The following PPP2R3A variants were observed in gnomAD, a reference collection of about 807,000 sequenced individuals.
PPP2R3A encodes protein phosphatase 2 regulatory subunit B''alpha.
A neutral mutation model predicts 106.9 loss-of-function variants in PPP2R3A; 80 were observed. The observed-to-expected ratio is 0.75, with a 90% CI of 0.62 to 0.90. The LOEUF is 0.90. Ranked by LOEUF, PPP2R3A falls within the 40% of genes least tolerant of loss-of-function variation. PPP2R3A has a pLI of 0.00. For synonymous variants in PPP2R3A, 483 were observed against 468.3 expected (o/e 1.03, Z -0.41); for missense variants, 1,386 against 1,350.4 (o/e 1.03, Z -0.41).
chr3:136,113,773 C>A (rs1222605753), intron 13 of PPP2R3A, among the ~76,000 whole-genome samples: 5 of 148,578 alleles, frequency 3.4e-5, no homozygotes, highest in Admixed American at 2.0e-4. Flanking sequence ...CCAGCCTGGG[C>A]AACAGAGCAA....
chr3:136,078,410 GA>G lies in PPP2R3A; in HGVS notation c.2593del (p.Ile865LeufsTer6), dbSNP rs763502837. ...IFYTVNRSWS[G>X]KITSTEIRKS... is the part of the protein sequence containing the mutation. ...TACACAGTCAACAGATCTTGGAGTG[GA>G]AAAATTACTTCGACAGAGATAAGAA... is the stretch of plus-strand genomic sequence containing the variant. On this transcript the variant is annotated frameshift_variant, in exon 7 of 14. Coordinates refer to ENST00000264977, the MANE Select transcript of PPP2R3A (RefSeq NM_002718.5). LOFTEE classifies it high-confidence loss of function. 3 of 1,611,032 alleles carry G rather than the reference GA, an allele frequency of 1.9e-6. No homozygotes were observed. The highest frequency in any genetic ancestry group is 1.1e-5 in the South Asian group (1 of 90,598).
chr3:136,088,697 A>G (rs556371052), intron 9 of PPP2R3A, among the ~76,000 whole-genome samples: 17 of 152,330 alleles, frequency 1.1e-4, no homozygotes, highest in South Asian at 2.1e-4. Flanking sequence ...GGACCCATTT[A>G]CATTCCCACT....
intron 2 of PPP2R3A, among the ~76,000 whole-genome samples, chr3:136,005,706 A>G (rs187737789): frequency 3.3e-5 from 5 of 152,304 alleles, no homozygotes; most frequent in Admixed American, 3.3e-4. Flanking sequence ...AAGGAAAGAA[A>G]ATACCTACAT....
intron 2 of PPP2R3A, among the ~76,000 whole-genome samples, chr3:136,014,232 A>G (rs185004414): frequency 1.3e-5 from 2 of 152,146 alleles, no homozygotes; most frequent in Admixed American, 1.3e-4. Context: ...GATATAGTAT[A>G]GTTTGAAGTC....
intron 13 of PPP2R3A, among the ~76,000 whole-genome samples, chr3:136,125,541 A>C (rs1039700136): frequency 9.2e-5 from 14 of 152,094 alleles, no homozygotes; most frequent in African/African-American, 3.4e-4. Flanking sequence ...ATCACAAAGA[A>C]TTAAAACTAC....
At chr3:136,133,362 A>G (rs184004963) in intron 13 of PPP2R3A, among the ~76,000 whole-genome samples, 1 of 152,270 alleles carries the variant, frequency 6.6e-6, no homozygotes, top group Admixed American at 6.5e-5. Context: ...AGGAGGTACA[A>G]ACAGTAAATA....
chr3:136,006,426 G>A (rs1210029546), intron 2 of PPP2R3A, among the ~76,000 whole-genome samples: 2 of 152,116 alleles, frequency 1.3e-5, no homozygotes, highest in South Asian at 2.1e-4. Flanking sequence ...TGAGGAATTG[G>A]CAAACATTTC....
intron 8 of PPP2R3A, among the ~76,000 whole-genome samples, chr3:136,085,217 G>C (rs112331996): frequency 6.6e-6 from 1 of 152,030 alleles, no homozygotes; most frequent in African/African-American, 2.4e-5. Flanking sequence ...TCATGGGGGC[G>C]GGTCTTTCCT....
At chr3:136,060,486 G>A (rs755536745) in intron 5 of PPP2R3A, among the ~76,000 whole-genome samples, 2 of 152,164 alleles carry the variant, frequency 1.3e-5, no homozygotes, top group South Asian at 2.1e-4. Context: ...CATCCTCCTA[G>A]TGCTGTCTCA....
At chr3:136,004,774 G>A (rs1010372544) in intron 2 of PPP2R3A, among the ~76,000 whole-genome samples, 1 of 152,122 alleles carries the variant, frequency 6.6e-6, no homozygotes, top group Non-Finnish European at 1.5e-5. Flanking sequence ...CGTACAGGGG[G>A]CCTGAATAGT....
At chr3:136,032,031 TTC>T (rs1238746366) in intron 3 of PPP2R3A, among the ~76,000 whole-genome samples, 1 of 152,348 alleles carries the variant, frequency 6.6e-6, no homozygotes, top group South Asian at 2.1e-4. Context: ...TTTTTTCTAA[TTC>T]TGTGAAAAAT....
At chr3:135,986,634 T>G (rs1932930572) in intron 1 of PPP2R3A, among the ~76,000 whole-genome samples, 1 of 152,108 alleles carries the variant, frequency 6.6e-6, no homozygotes, top group Admixed American at 6.6e-5. Context: ...TGCTTCCTAT[T>G]TCACCAAGAA....
In PPP2R3A at chr3:136,147,761, A is replaced by G. The variant is rs572185953; in HGVS notation, c.*2595A>G. On this transcript the variant is annotated 3_prime_UTR_variant, in exon 14 of 14. Coordinates refer to ENST00000264977, the MANE Select transcript of PPP2R3A (RefSeq NM_002718.5). ...TGCATCTTGTCACTGTGTACCATTC[A>G]AAGTGTTTATAAAACTCTAGATTCA... 1 of 152,372 alleles carries G rather than the reference A, an allele frequency of 6.6e-6. No individual in the cohort carries two copies. Among genetic ancestry groups the G allele is most frequent in the African/African-American group, 2.4e-5 (1 of 41,592 alleles). 9.4% of individuals were successfully genotyped at this position (152,372 alleles called of 1,614,324 possible).
At chr3:136,008,594 T>G (rs1933929743) in intron 2 of PPP2R3A, among the ~76,000 whole-genome samples, 1 of 152,166 alleles carries the variant, frequency 6.6e-6, no homozygotes, top group African/African-American at 2.4e-5. Flanking sequence ...TGTAGAAGGG[T>G]CAAGATAAAG....
chr3:136,065,238 T>TAA (rs1936226895), intron 5 of PPP2R3A, among the ~76,000 whole-genome samples: 1 of 152,170 alleles, frequency 6.6e-6, no homozygotes. Context: ...GAATCAATAT[T>TAA]TTCTAAAGTT....
chr3:136,082,570 A>C (rs1460495775), intron 8 of PPP2R3A, 149 bp downstream of exon 8: 4 of 806,684 alleles, frequency 5.0e-6, no homozygotes, highest in Non-Finnish European at 7.8e-6. Context: ...GGATGAGTGA[A>C]GATAATATAA....
At chr3:136,070,328 C>T (rs994332021) in intron 5 of PPP2R3A, 150 bp from the exon 6 acceptor site, 21 of 590,206 alleles carry the variant, frequency 3.6e-5, no homozygotes, top group Non-Finnish European at 4.6e-5. Flanking sequence ...TATAATGAAA[C>T]GAATTTAATA....
At chr3:136,052,057 A>ACCAT (rs1935703874) in intron 5 of PPP2R3A, among the ~76,000 whole-genome samples, 2 of 152,272 alleles carry the variant, frequency 1.3e-5, no homozygotes, top group South Asian at 4.2e-4. Flanking sequence ...TTTAATTAAG[A>ACCAT]CCATTTTACC....
chr3:136,096,480 C>G (rs1937218236), intron 10 of PPP2R3A, among the ~76,000 whole-genome samples: 1 of 152,146 alleles, frequency 6.6e-6, no homozygotes, highest in South Asian at 2.1e-4. Context: ...TGGACAAACT[C>G]TTGCAAACCC....
Sources: allele counts gnomAD v4.1 joint callset (sites outside exome capture counted in the v4.1 genomes callset), GRCh38; gene constraint gnomAD v4.1.1; transcripts MANE v1.5; gene names NCBI Gene and HGNC (gene_info 2026-07-23, HGNC 2026-07-21).